RHEX: variants seen among roughly 807,000 people sequenced by gnomAD.
The protein encoded by RHEX is regulator of hemoglobinization and erythroid cell expansion protein.
Under a neutral mutation model 20.1 loss-of-function variants are expected in RHEX, and 18 were observed. That is an observed-to-expected ratio of 0.90 (90% CI 0.62 to 1.33). The LOEUF (loss-of-function observed/expected upper bound fraction) is 1.33. RHEX is among the 40% of genes most tolerant of loss of function. RHEX has a pLI of 0.00. For missense variants in RHEX, 192 were observed against 214.3 expected, an observed-to-expected ratio of 0.90 and a Z score of 0.65; for synonymous variants, 87 against 77.1, an observed-to-expected ratio of 1.13 and a Z score of -0.67.
At chr1:206,081,499 T>C (rs1662734430) in intron 1 of RHEX, among the ~76,000 whole-genome samples, 1 of 152,198 alleles carries the variant, frequency 6.6e-6, no homozygotes. Context: ...TTTTAGGTCA[T>C]TGAAGTTCAA....
At chr1:206,065,230 A>C (rs1396099705) in intron 1 of RHEX, among the ~76,000 whole-genome samples, 6 of 152,032 alleles carry the variant, frequency 3.9e-5, no homozygotes, top group African/African-American at 1.2e-4. Context: ...GTCCTATGAC[A>C]CTGCCAAATC....
chr1:206,081,144 ATCT>A (rs1662728782), intron 1 of RHEX, among the ~76,000 whole-genome samples: 2 of 152,242 alleles, frequency 1.3e-5, no homozygotes, highest in South Asian at 4.2e-4. Context: ...GGAGCAAATC[ATCT>A]TCTCATCATC....
Position 206,099,810 on chromosome 1 carries a change from G to C in RHEX, c.256+12G>C, listed in dbSNP as rs782638963. 6.2e-7 allele frequency: 1 copy of C among 1,613,028 alleles called. No homozygotes were observed. The highest frequency in any genetic ancestry group is 8.5e-7 in the Non-Finnish European group (1 of 1,179,406). The stretch of plus-strand genomic sequence containing the variant: ...TTCCCTTTACAGGCGTGAGTAAGGG[G>C]TTGGAGGGAGAACTTGTCTAGGGAC... On this transcript the variant is annotated intron_variant, in intron 4 of 5. Coordinates refer to ENST00000331555, the MANE Select transcript of RHEX (RefSeq NM_001007544.4).
At position 206,098,120 on chromosome 1, in the gene RHEX, G is replaced by A; in HGVS notation, c.51G>A (p.Val17=). The A allele has an allele frequency of 6.2e-7, 1 of 1,614,006 alleles. No homozygotes were observed. The highest frequency in any genetic ancestry group is 1.1e-5 in the South Asian group (1 of 91,068). ...EVWHGLVIAV[V]SLFLQACFLT... is the part of the protein sequence containing the mutation. ...GGCATGGCTTAGTGATCGCGGTGGTGTCCCTCTTCCTGCAGGCCTGCTTCC... is the reference window on the plus strand; with the variant it reads ...GGCATGGCTTAGTGATCGCGGTGGTATCCCTCTTCCTGCAGGCCTGCTTCC... The change falls in exon 3 of 6, where the codon GTG becomes GTA. Residue 17 remains valine, a synonymous_variant. Transcript: ENST00000331555.
chr1:206,054,349 C>T (rs1662142924), intron 1 of RHEX, among the ~76,000 whole-genome samples: 1 of 152,014 alleles, frequency 6.6e-6, no homozygotes, highest in Non-Finnish European at 1.5e-5. Flanking sequence ...GTAATAAGGC[C>T]TCCTGAGTAC....
chr1:206,091,472 T>C (rs886321581), intron 1 of RHEX, among the ~76,000 whole-genome samples: 2 of 152,232 alleles, frequency 1.3e-5, no homozygotes, highest in Non-Finnish European at 2.9e-5. Context: ...AAAATCCTCA[T>C]ACTTTTATTA....
At chr1:206,100,692 A>T (rs1663169113) in intron 4 of RHEX, among the ~76,000 whole-genome samples, 1 of 152,058 alleles carries the variant, frequency 6.6e-6, no homozygotes, top group Non-Finnish European at 1.5e-5. Context: ...ACAAAAAGAG[A>T]TGTGATCTGC....
intron 1 of RHEX, among the ~76,000 whole-genome samples, chr1:206,081,479 T>C (rs1553285902): frequency 1.3e-5 from 2 of 152,184 alleles, no homozygotes; most frequent in African/African-American, 4.8e-5. Context: ...AGGGGATAAA[T>C]GCCTCAGATT....
chr1:206,095,194 C>T (rs1021977771), intron 1 of RHEX, among the ~76,000 whole-genome samples: 1 of 152,168 alleles, frequency 6.6e-6, no homozygotes, highest in Admixed American at 6.5e-5. Flanking sequence ...GTGGCAAACT[C>T]AAATGCCTTT....
chr1:206,070,377 G>A (rs143879752), intron 1 of RHEX, among the ~76,000 whole-genome samples: 6 of 152,272 alleles, frequency 3.9e-5, no homozygotes, highest in East Asian at 3.9e-4. Context: ...AATTCTGTTC[G>A]GTAGGCAGAA....
chr1:206,089,881 A>G (rs1185587403), intron 1 of RHEX, among the ~76,000 whole-genome samples: 2 of 152,154 alleles, frequency 1.3e-5, no homozygotes, highest in Non-Finnish European at 2.9e-5. Flanking sequence ...TTTAACAAAT[A>G]TTATTAAATA....
intron 1 of RHEX, among the ~76,000 whole-genome samples, chr1:206,059,358 C>T (rs1235980568): frequency 6.6e-6 from 1 of 152,330 alleles, no homozygotes; most frequent in East Asian, 1.9e-4. Context: ...GGATACCCAA[C>T]AGAATCCCAT....
At chr1:206,073,790 A>G (rs28372537) in intron 1 of RHEX, among the ~76,000 whole-genome samples, 7,306 of 152,154 alleles carry the variant, frequency 0.048, 396 homozygotes, top group African/African-American at 0.12. Context: ...TACCTCCTAC[A>G]TATTTAAAAC....
At chr1:206,055,215 C>G (rs1662163629) in intron 1 of RHEX, among the ~76,000 whole-genome samples, 1 of 152,284 alleles carries the variant, frequency 6.6e-6, no homozygotes, top group Non-Finnish European at 1.5e-5. Flanking sequence ...CGTCCAGCTT[C>G]CGTCTCCCAA....
At chr1:206,098,224 G>A (rs782432553) in intron 3 of RHEX, 43 bp downstream of exon 3, 2 of 1,382,950 alleles carry the variant, frequency 1.4e-6, no homozygotes, top group Non-Finnish European at 2.1e-6. Flanking sequence ...CACTCTCAGA[G>A]ACCATTCTCG....
At chr1:206,073,740 C>T (rs563771612) in intron 1 of RHEX, among the ~76,000 whole-genome samples, 1 of 152,298 alleles carries the variant, frequency 6.6e-6, no homozygotes, top group African/African-American at 2.4e-5. Context: ...TCCTTCCCAC[C>T]TCCATTCAAA....
intron 1 of RHEX, among the ~76,000 whole-genome samples, chr1:206,066,001 G>A (rs1333319496): frequency 1.3e-5 from 2 of 152,352 alleles, no homozygotes; most frequent in South Asian, 2.1e-4. Flanking sequence ...GACACACAGG[G>A]CCCGGGAAGA....
At chr1:206,101,248 C>T in intron 5 of RHEX, 51 bp downstream of exon 5, 1 of 1,452,806 alleles carries the variant, frequency 6.9e-7, no homozygotes, top group East Asian at 2.3e-5. Context: ...TCTGGGGATC[C>T]CTGCTGTAAA....
At chr1:206,072,949 C>T (rs782084657) in intron 1 of RHEX, among the ~76,000 whole-genome samples, 2 of 151,774 alleles carry the variant, frequency 1.3e-5, no homozygotes, top group Admixed American at 6.6e-5. Flanking sequence ...CCCCTCACCC[C>T]GCCTCAACCC....
Sources: allele counts gnomAD v4.1 joint callset (sites outside exome capture counted in the v4.1 genomes callset), GRCh38; gene constraint gnomAD v4.1.1; transcripts MANE v1.5; gene names NCBI Gene and HGNC (gene_info 2026-07-23, HGNC 2026-07-21).